Variants in FAM81B observed in about 807,000 individuals in gnomAD.
FAM81B encodes the protein protein FAM81B.
A neutral mutation model predicts 58.7 loss-of-function variants in FAM81B; 60 were observed. The ratio of observed to expected loss-of-function variants is 1.02; its 90% CI spans 0.83 to 1.27. The LOEUF (loss-of-function observed/expected upper bound fraction) is 1.27. Among genes scored for constraint, FAM81B ranks in the 50% most tolerant of loss-of-function variants. FAM81B has a pLI of 0.00. For synonymous variants in FAM81B, 189 were observed against 179.6 expected, an observed-to-expected ratio of 1.05 and a Z score of -0.42; for missense variants, 491 against 522.0, an observed-to-expected ratio of 0.94 and a Z score of 0.58.
intron 6 of FAM81B, among the ~76,000 whole-genome samples, chr5:95,431,829 A>T (rs1484870327): frequency 1.3e-5 from 2 of 152,036 alleles, no homozygotes; most frequent in Non-Finnish European, 2.9e-5. Context: ...CTTCTTGATT[A>T]TAGTAAGTTT....
At chr5:95,450,026 T>C (rs929602385) in intron 9 of FAM81B, 123 bp from the exon 10 acceptor site, 4 of 1,139,268 alleles carry the variant, frequency 3.5e-6, no homozygotes, top group Non-Finnish European at 4.9e-6. Flanking sequence ...CTGGTCTTCA[T>C]AGAATTTAAT....
chr5:95,432,605 A>C (rs961243397), intron 6 of FAM81B, among the ~76,000 whole-genome samples: 1 of 151,932 alleles, frequency 6.6e-6, no homozygotes, highest in Non-Finnish European at 1.5e-5. Flanking sequence ...TAAACTTTCT[A>C]TCTCTTCAGA....
chr5:95,435,836 C>T (rs1307549560), intron 6 of FAM81B, among the ~76,000 whole-genome samples: 1 of 152,044 alleles, frequency 6.6e-6, no homozygotes, highest in African/African-American at 2.4e-5. Flanking sequence ...TAATAAATTG[C>T]CTATTATTTT....
chr5:95,400,680 AACATTGTACAAG>A (rs1369170041), intron 3 of FAM81B, among the ~76,000 whole-genome samples: 4 of 152,158 alleles, frequency 2.6e-5, no homozygotes, highest in Admixed American at 2.6e-4. Flanking sequence ...ACATATATAC[AACATTGTACAAG>A]ACATATTTAC....
intron 3 of FAM81B, among the ~76,000 whole-genome samples, chr5:95,407,150 C>G (rs1762269414): frequency 6.6e-6 from 1 of 152,114 alleles, no homozygotes; most frequent in South Asian, 2.1e-4. Flanking sequence ...GCCCCCACCC[C>G]ACCAGACAGT....
At chr5:95,413,000 G>A (rs1762443848) in intron 3 of FAM81B, among the ~76,000 whole-genome samples, 1 of 152,156 alleles carries the variant, frequency 6.6e-6, no homozygotes. Context: ...CAGAACACTG[G>A]AGGAACCTCT....
chr5:95,427,194 ATAGAAGGG>A (rs1247081744), intron 5 of FAM81B, among the ~76,000 whole-genome samples: 2 of 152,200 alleles, frequency 1.3e-5, no homozygotes, highest in Non-Finnish European at 2.9e-5. Flanking sequence ...CAAAAGAAGG[ATAGAAGGG>A]AGATGGCAGG....
At chr5:95,414,352 A>G (rs997540500) in intron 4 of FAM81B, among the ~76,000 whole-genome samples, 162 bp downstream of exon 4, 6 of 152,130 alleles carry the variant, frequency 3.9e-5, no homozygotes, top group Admixed American at 3.3e-4. Context: ...AAACAGTTCA[A>G]TTTTTCAGCT....
At chr5:95,407,905 C>T (rs1762302727) in intron 3 of FAM81B, among the ~76,000 whole-genome samples, 2 of 152,230 alleles carry the variant, frequency 1.3e-5, no homozygotes, top group African/African-American at 2.4e-5. Context: ...CATAAAACAG[C>T]GAATATTTAT....
At chr5:95,448,144 A>C in intron 8 of FAM81B, 125 bp from the exon 9 acceptor site, 1 of 855,458 alleles carries the variant, frequency 1.2e-6, no homozygotes, top group Non-Finnish European at 1.8e-6. Flanking sequence ...AGTTTTAGAT[A>C]CAAAGGAACT....
chr5:95,391,746 G>A (rs548682468), intron 1 of FAM81B, among the ~76,000 whole-genome samples: 38 of 152,164 alleles, frequency 2.5e-4, no homozygotes, highest in African/African-American at 9.1e-4. Flanking sequence ...CAAAACATAC[G>A]AGAAAAAGCT....
intron 8 of FAM81B, among the ~76,000 whole-genome samples, chr5:95,446,935 AAG>A (rs1745592313): frequency 6.9e-6 from 1 of 145,958 alleles, no homozygotes; most frequent in Non-Finnish European, 1.5e-5. Context: ...AAAGAATCTG[AAG>A]AGGTTTTTTT....
chr5:95,392,952 A>G, intron 2 of FAM81B, 55 bp downstream of exon 2: 2 of 1,461,870 alleles, frequency 1.4e-6, no homozygotes, highest in African/African-American at 1.4e-5. Flanking sequence ...CAGCTTCTTT[A>G]AAGTTTAGAG....
chr5:95,399,837 G>T (rs186422951), intron 3 of FAM81B, among the ~76,000 whole-genome samples: 2 of 152,294 alleles, frequency 1.3e-5, no homozygotes, highest in African/African-American at 4.8e-5. Flanking sequence ...TACATATGAA[G>T]AAGCAGAGGG....
chr5:95,416,336 A>AT (rs980241958), intron 4 of FAM81B, among the ~76,000 whole-genome samples: 1 of 152,306 alleles, frequency 6.6e-6, no homozygotes, highest in East Asian at 1.9e-4. Flanking sequence ...TGAAAAAAAA[A>AT]TTTTTTTAAT....
intron 3 of FAM81B, among the ~76,000 whole-genome samples, chr5:95,409,632 C>T (rs141086617): frequency 0.012 from 1,867 of 151,822 alleles, 20 homozygotes; most frequent in Admixed American, 0.021. Flanking sequence ...TAGCATGAGC[C>T]CCTCTTCTTC....
chr5:95,436,459 G>A (rs1010472843), intron 6 of FAM81B, among the ~76,000 whole-genome samples: 1 of 152,336 alleles, frequency 6.6e-6, no homozygotes, highest in Non-Finnish European at 1.5e-5. Context: ...AGACAATAGA[G>A]AAGTAGAAAT....
At chr5:95,416,801 G>C (rs934273300) in intron 4 of FAM81B, among the ~76,000 whole-genome samples, 4 of 152,108 alleles carry the variant, frequency 2.6e-5, no homozygotes, top group Non-Finnish European at 5.9e-5. Context: ...TATCACTTTG[G>C]GGGGCTGAGG....
At chr5:95,404,804 T>C (rs1192680900) in intron 3 of FAM81B, among the ~76,000 whole-genome samples, 1 of 152,146 alleles carries the variant, frequency 6.6e-6, no homozygotes, top group Non-Finnish European at 1.5e-5. Flanking sequence ...TGATGGAGGA[T>C]AGACAATAAA....
Sources: gnomAD v4.1 joint callset for allele counts (sites outside exome capture counted in the v4.1 genomes callset) on GRCh38, gnomAD v4.1.1 for gene constraint, MANE v1.5 for transcripts, NCBI Gene and HGNC (gene_info 2026-07-23, HGNC 2026-07-21) for gene names.